Variants in DAB1 observed in about 807,000 individuals in gnomAD.
DAB1 encodes disabled homolog 1.
DAB1 carries 15 observed loss-of-function variants against 64.6 expected under a neutral mutation model. That is an observed-to-expected ratio of 0.23 (90% CI 0.16 to 0.36). DAB1 has a LOEUF of 0.36. DAB1 is among the 10% of genes least tolerant of loss of function. DAB1 has a pLI of 1.00. For synonymous variants in DAB1, 235 were observed against 251.9 expected, an observed-to-expected ratio of 0.93 and a Z score of 0.64; for missense variants, 596 against 706.7, an observed-to-expected ratio of 0.84 and a Z score of 1.78.
chr1:57,143,509 G>T (rs1445075479), intron 3 of DAB1, among the ~76,000 whole-genome samples: 1 of 151,978 alleles, frequency 6.6e-6, no homozygotes, highest in Admixed American at 6.6e-5. Context: ...TGTCTTTTAT[G>T]CCTTTTTCTA....
chr1:58,310,973 C>A (rs1031592509), intron 4 of DAB1, among the ~76,000 whole-genome samples: 1 of 152,088 alleles, frequency 6.6e-6, no homozygotes, highest in African/African-American at 2.4e-5. Context: ...CTTAGTAAGA[C>A]TCCTCTGAGC....
chr1:57,469,126 T>C (rs1227722676), intron 7 of DAB1, among the ~76,000 whole-genome samples: 3 of 152,184 alleles, frequency 2.0e-5, no homozygotes, highest in Non-Finnish European at 4.4e-5. Flanking sequence ...TGTGGTAAAA[T>C]GGAAGGCAGA....
rs116572879 is a variant in DAB1 at position 57,021,622 on chromosome 1, G to A, written c.895+1909C>T. Among the ~76,000 whole-genome samples, 14 of 152,272 alleles carry A rather than the reference G, an allele frequency of 9.2e-5. No homozygotes were observed. In the East Asian group the frequency reaches 1.3e-3, roughly 15 times the overall value. ...CCTACCCAGCCATGTGGAACAGTGA[G>A]TCCATTAAAACTCCTTCCTTTGTAA... is the stretch of plus-strand genomic sequence containing the variant. On this transcript the variant is annotated intron_variant, in intron 11 of 14. Coordinates refer to ENST00000371236, the MANE Select transcript of DAB1 (RefSeq NM_001365792.1).
intron 3 of DAB1, among the ~76,000 whole-genome samples, chr1:58,464,661 G>T (rs868740521): frequency 1.2e-4 from 19 of 152,162 alleles, no homozygotes; most frequent in African/African-American, 3.9e-4. Context: ...GCACTAGGTT[G>T]CTGTGAGAAT....
At chr1:57,327,885 A>G (rs913134807) in intron 1 of DAB1, among the ~76,000 whole-genome samples, 2 of 152,152 alleles carry the variant, frequency 1.3e-5, no homozygotes, top group Non-Finnish European at 2.9e-5. Context: ...ACATGGAGAT[A>G]TGATTGACCT....
intron 1 of DAB1, among the ~76,000 whole-genome samples, chr1:57,363,249 C>T (rs1386843764): frequency 6.6e-6 from 1 of 152,166 alleles, no homozygotes; most frequent in Non-Finnish European, 1.5e-5. Flanking sequence ...AGACCCCTTT[C>T]ATAGGACAGA....
At chr1:58,120,898 T>C (rs1652696581) in intron 5 of DAB1, among the ~76,000 whole-genome samples, 1 of 152,274 alleles carries the variant, frequency 6.6e-6, no homozygotes, top group Non-Finnish European at 1.5e-5. Flanking sequence ...TGATAGGATA[T>C]AATTCCAATT....
At chr1:58,000,529 C>T (rs1392948849) in intron 5 of DAB1, among the ~76,000 whole-genome samples, 1 of 150,654 alleles carries the variant, frequency 6.6e-6, no homozygotes, top group African/African-American at 2.4e-5. Flanking sequence ...AGTCTCTTTT[C>T]CCCCTCAATT....
At chr1:58,052,410 G>C (rs1647736112) in intron 5 of DAB1, among the ~76,000 whole-genome samples, 1 of 152,182 alleles carries the variant, frequency 6.6e-6, no homozygotes, top group South Asian at 2.1e-4. Context: ...CTATATATCT[G>C]TTTTGGTACC....
intron 1 of DAB1, among the ~76,000 whole-genome samples, chr1:57,841,725 C>A: frequency 6.6e-6 from 1 of 152,174 alleles, no homozygotes. Flanking sequence ...GCAGCGGAGC[C>A]CTGGGCCTGG....
chr1:58,023,687 T>C (rs1371409960), intron 5 of DAB1, among the ~76,000 whole-genome samples: 1 of 152,232 alleles, frequency 6.6e-6, no homozygotes, highest in Non-Finnish European at 1.5e-5. Context: ...CCTACAAGTT[T>C]ATTTTAAAAT....
chr1:57,491,254 C>T (rs1432221523), intron 7 of DAB1, among the ~76,000 whole-genome samples: 2 of 152,032 alleles, frequency 1.3e-5, no homozygotes, highest in African/African-American at 2.4e-5. Context: ...CACTGAAACC[C>T]TGTCTCTACT....
intron 2 of DAB1, among the ~76,000 whole-genome samples, chr1:58,516,987 A>G (rs917785604): frequency 3.9e-5 from 6 of 152,156 alleles, no homozygotes; most frequent in African/African-American, 1.4e-4. Context: ...TGTTGACATG[A>G]TTTGAATGCT....
chr1:58,305,390 T>G (rs1027880742), intron 4 of DAB1, among the ~76,000 whole-genome samples: 2 of 152,222 alleles, frequency 1.3e-5, no homozygotes, highest in African/African-American at 4.8e-5. Flanking sequence ...ATTTTTATTT[T>G]GTTTATTTTT....
intron 7 of DAB1, among the ~76,000 whole-genome samples, chr1:57,597,673 C>T (rs1210789921): frequency 6.6e-6 from 1 of 152,220 alleles, no homozygotes; most frequent in Non-Finnish European, 1.5e-5. Context: ...TTAGAATGGG[C>T]CAGCCTTTTC....
chr1:57,437,292 C>G (rs1232284522), intron 7 of DAB1, among the ~76,000 whole-genome samples: 6 of 152,066 alleles, frequency 3.9e-5, no homozygotes, highest in African/African-American at 1.4e-4. Context: ...GAAGAGGTCA[C>G]AACTCTATAC....
chr1:57,695,256 AGAAG>A (rs1175021391), intron 6 of DAB1, among the ~76,000 whole-genome samples: 2,314 of 32,828 alleles, frequency 0.07, 404 homozygotes, highest in Non-Finnish European at 0.085. Flanking sequence ...AAAGAAAGAA[AGAAG>A]GAAGGAAGGA....
At position 57,484,989 on chromosome 1, in the gene DAB1, T is replaced by C. The variant is rs115684833; in HGVS notation, n.625+164603A>G. On this transcript the variant is annotated intron_variant and non_coding_transcript_variant, in intron 7 of 20. Coordinates refer to the DAB1 transcript ENST00000485760. ...GAGACTGAGTGGAGGTATCAAGTCC[T>C]GGCACTGACTCTCACAAATTGTGTC... 4.1e-3 allele frequency among the ~76,000 whole-genome samples: 629 copies of C among 152,310 alleles called. 2 individuals are homozygous for C. The highest frequency in any genetic ancestry group is 0.014 in the African/African-American group (601 of 41,570).
intron 2 of DAB1, among the ~76,000 whole-genome samples, chr1:57,287,807 T>TTTATTTATTTAC (rs1338832092): frequency 1.3e-5 from 2 of 150,044 alleles, no homozygotes; most frequent in Admixed American, 1.3e-4. Flanking sequence ...TATTTATTTA[T>TTTATTTATTTAC]TTATTTGAGA....
Sources: gnomAD v4.1 joint callset for allele counts (sites outside exome capture counted in the v4.1 genomes callset) on GRCh38, gnomAD v4.1.1 for gene constraint, MANE v1.5 for transcripts, NCBI Gene and HGNC (gene_info 2026-07-23, HGNC 2026-07-21) for gene names.